The following ZBTB20 variants were observed in gnomAD, a reference collection of about 807,000 sequenced individuals.
The protein encoded by ZBTB20 is zinc finger and BTB domain containing 20, also known as zinc finger and BTB domain-containing protein 20.
A neutral mutation model predicts 56.9 loss-of-function variants in ZBTB20; 9 were observed. The ratio of observed to expected loss-of-function variants is 0.16; its 90% CI spans 0.10 to 0.28. ZBTB20 has a LOEUF of 0.28. ZBTB20 is among the 10% of genes least tolerant of loss of function. The pLI is 1.00. For synonymous variants in ZBTB20, 417 were observed against 420.7 expected, an observed-to-expected ratio of 0.99 and a Z score of 0.11; for missense variants, 655 against 1,003.0, an observed-to-expected ratio of 0.65 and a Z score of 4.69.
At chr3:114,959,524 G>T (rs1048515432) in intron 3 of ZBTB20, among the ~76,000 whole-genome samples, 1 of 152,002 alleles carries the variant, frequency 6.6e-6, no homozygotes, top group Non-Finnish European at 1.5e-5. Flanking sequence ...AAATAAATAA[G>T]AAAAATGATG....
intron 7 of ZBTB20, among the ~76,000 whole-genome samples, chr3:114,429,929 T>G (rs2089995097): frequency 1.3e-5 from 2 of 150,960 alleles, no homozygotes; most frequent in Admixed American, 6.6e-5. Flanking sequence ...ATCTGTGTGG[T>G]GGGCTGGGGT....
chr3:115,089,602 G>A (rs1050992745), intron 1 of ZBTB20, among the ~76,000 whole-genome samples: 1 of 151,760 alleles, frequency 6.6e-6, no homozygotes, highest in Non-Finnish European at 1.5e-5. Flanking sequence ...AAGATTTACT[G>A]AATGAGGAAA....
chr3:114,763,133 G>A (rs2068548677), intron 5 of ZBTB20, among the ~76,000 whole-genome samples: 1 of 152,108 alleles, frequency 6.6e-6, no homozygotes, highest in African/African-American at 2.4e-5. Context: ...TAAACAAGAA[G>A]TTTAGAACTC....
chr3:114,517,722 C>T (rs537558895), intron 6 of ZBTB20, among the ~76,000 whole-genome samples: 1 of 151,864 alleles, frequency 6.6e-6, no homozygotes. Context: ...ATTACAGGCA[C>T]CTGCTACCAT....
chr3:114,817,190 TATACAC>T (rs778770716), intron 4 of ZBTB20, among the ~76,000 whole-genome samples: 2 of 66,286 alleles, frequency 3.0e-5, no homozygotes, highest in East Asian at 4.7e-4. Context: ...TTATACAACT[TATACAC>T]ACACACACAC....
intron 1 of ZBTB20, among the ~76,000 whole-genome samples, chr3:115,091,581 T>C (rs1576757080): frequency 1.3e-5 from 2 of 151,886 alleles, no homozygotes; most frequent in East Asian, 1.9e-4. Context: ...AAGAAGGTAA[T>C]TTATAAAGGG....
At chr3:114,656,179 T>A (rs193160726) in intron 6 of ZBTB20, among the ~76,000 whole-genome samples, 104 of 152,338 alleles carry the variant, frequency 6.8e-4, no homozygotes, top group Non-Finnish European at 7.9e-4. Flanking sequence ...CTGTAGGTGA[T>A]CTATTGTTTC....
chr3:115,045,513 T>C (rs2081301510), intron 2 of ZBTB20, among the ~76,000 whole-genome samples: 1 of 151,912 alleles, frequency 6.6e-6, no homozygotes, highest in African/African-American at 2.4e-5. Flanking sequence ...TATTAGAAGT[T>C]TGTTTACTGG....
chr3:114,372,367 C>T (rs2108453753), intron 10 of ZBTB20, among the ~76,000 whole-genome samples: 1 of 152,260 alleles, frequency 6.6e-6, no homozygotes, highest in South Asian at 2.1e-4. Context: ...CAATATGACA[C>T]AGTGTAACTT....
chr3:114,439,410 C>A (rs1159049046), intron 7 of ZBTB20, among the ~76,000 whole-genome samples: 1 of 152,094 alleles, frequency 6.6e-6, no homozygotes, highest in Non-Finnish European at 1.5e-5. Context: ...CTCATTTCAC[C>A]AACAGTATGC....
chr3:115,120,234 G>T (rs2084144498), intron 1 of ZBTB20, among the ~76,000 whole-genome samples: 1 of 152,082 alleles, frequency 6.6e-6, no homozygotes, highest in Admixed American at 6.5e-5. Context: ...GTACCGCTAT[G>T]CTGGAAAACG....
At chr3:114,710,469 A>C (rs944348082) in intron 5 of ZBTB20, among the ~76,000 whole-genome samples, 1 of 152,132 alleles carries the variant, frequency 6.6e-6, no homozygotes, top group Non-Finnish European at 1.5e-5. Flanking sequence ...CTAACTCATA[A>C]TCATCTCTTT....
At chr3:114,688,016 G>A (rs2062451670) in intron 6 of ZBTB20, 1 of 152,200 alleles carries the variant, frequency 6.6e-6, no homozygotes, top group Non-Finnish European at 1.5e-5. Flanking sequence ...GATCACTTGA[G>A]GCCAGGAGTT....
rs78581662 is a variant in ZBTB20 at position 114,612,646 on chromosome 3, T to C, written c.-295+80882A>G. 2.2e-3 allele frequency among the ~76,000 whole-genome samples: 337 copies of C among 152,296 alleles called. 1 individual carries two copies. The highest frequency in any genetic ancestry group is 7.6e-3 in the African/African-American group (317 of 41,574). On this transcript the variant is annotated intron_variant, in intron 6 of 11. Transcript: ENST00000675478. ...CCTTTCTTTTTTACGTGATATTCAC[T>C]ATTAGACATACTACTACACTAATGC...
At chr3:114,987,179 T>C (rs1393906900) in intron 2 of ZBTB20, among the ~76,000 whole-genome samples, 1 of 152,152 alleles carries the variant, frequency 6.6e-6, no homozygotes, top group Non-Finnish European at 1.5e-5. Context: ...TTCAGTTTGA[T>C]TCAGTATTCA....
intron 4 of ZBTB20, among the ~76,000 whole-genome samples, chr3:114,885,924 G>A (rs2076584423): frequency 6.6e-6 from 1 of 152,116 alleles, no homozygotes; most frequent in Non-Finnish European, 1.5e-5. Flanking sequence ...AATTATCTAT[G>A]TTTAAAATTC....
chr3:114,886,983 G>A (rs2076625128), intron 4 of ZBTB20, among the ~76,000 whole-genome samples: 1 of 152,154 alleles, frequency 6.6e-6, no homozygotes. Context: ...CCAAGGTTGA[G>A]GGAGCAAAAC....
At chr3:114,384,154 C>T (rs1489039229) in intron 8 of ZBTB20, among the ~76,000 whole-genome samples, 7 of 150,000 alleles carry the variant, frequency 4.7e-5, no homozygotes, top group South Asian at 2.1e-4. Flanking sequence ...CTCTCATTTT[C>T]TCTCTCTCTC....
At chr3:114,844,236 T>A (rs1034585430) in intron 4 of ZBTB20, among the ~76,000 whole-genome samples, 1 of 150,366 alleles carries the variant, frequency 6.7e-6, no homozygotes, top group Non-Finnish European at 1.5e-5. Context: ...ATTTTTATAA[T>A]AGAATTCAAA....
Sources: allele counts gnomAD v4.1 joint callset (sites outside exome capture counted in the v4.1 genomes callset), GRCh38; gene constraint gnomAD v4.1.1; transcripts MANE v1.5; gene names NCBI Gene and HGNC (gene_info 2026-07-23, HGNC 2026-07-21).